The following BTBD9 variants were observed in gnomAD, a reference collection of about 807,000 sequenced individuals.
BTBD9 encodes the protein BTB/POZ domain-containing protein 9.
Under a neutral mutation model 64.3 loss-of-function variants are expected in BTBD9, and 49 were observed. That is an observed-to-expected ratio of 0.76 (90% CI 0.61 to 0.97). The LOEUF (loss-of-function observed/expected upper bound fraction) is 0.97. BTBD9 is among the 50% of genes least tolerant of loss of function. The pLI is 0.00. For synonymous variants in BTBD9, 260 were observed against 274.7 expected (o/e 0.95, Z 0.53); for missense variants, 598 against 762.1 (o/e 0.78, Z 2.53).
intron 10 of BTBD9, among the ~76,000 whole-genome samples, chr6:38,182,985 T>C (rs1015777230): frequency 5.3e-5 from 8 of 151,998 alleles, no homozygotes; most frequent in Non-Finnish European, 2.9e-5. Context: ...GGTCTTCTTT[T>C]TTTTTTTTTT....
At chr6:38,395,362 G>A (rs1766619927) in intron 6 of BTBD9, among the ~76,000 whole-genome samples, 1 of 152,106 alleles carries the variant, frequency 6.6e-6, no homozygotes, top group Non-Finnish European at 1.5e-5. Context: ...CTTAAACTTG[G>A]GAGGTTAAAG....
At chr6:38,215,046 T>C (rs2127502143) in intron 9 of BTBD9, among the ~76,000 whole-genome samples, 1 of 152,284 alleles carries the variant, frequency 6.6e-6, no homozygotes, top group East Asian at 1.9e-4. Flanking sequence ...GATTTTTCTG[T>C]ATTATTTCTT....
At chr6:38,533,249 G>A (rs891477792) in intron 6 of BTBD9, among the ~76,000 whole-genome samples, 7 of 152,082 alleles carry the variant, frequency 4.6e-5, no homozygotes, top group South Asian at 4.1e-4. Context: ...AAACCAAAAA[G>A]AACAGGAGTA....
At chr6:38,320,493 C>T (rs542909450) in intron 7 of BTBD9, among the ~76,000 whole-genome samples, 1 of 152,286 alleles carries the variant, frequency 6.6e-6, no homozygotes, top group South Asian at 2.1e-4. Context: ...AAAACAGCTG[C>T]TCTTCCCTTC....
chr6:38,552,567 G>A (rs1486382731), intron 6 of BTBD9, among the ~76,000 whole-genome samples: 1 of 152,030 alleles, frequency 6.6e-6, no homozygotes, highest in African/African-American at 2.4e-5. Flanking sequence ...AAGAGTTCGA[G>A]ACCAGGCTGG....
chr6:38,459,935 A>G (rs1769995451), intron 6 of BTBD9, among the ~76,000 whole-genome samples: 1 of 152,230 alleles, frequency 6.6e-6, no homozygotes. Context: ...GTTTTACAAC[A>G]TTACGAGAAC....
intron 7 of BTBD9, among the ~76,000 whole-genome samples, chr6:38,290,255 G>A (rs762901195): frequency 1.3e-4 from 19 of 150,346 alleles, no homozygotes; most frequent in Admixed American, 2.7e-4. Flanking sequence ...TAAAAACACC[G>A]GTGAAATTAC....
chr6:38,332,754 T>C (rs1763730740), intron 7 of BTBD9, among the ~76,000 whole-genome samples: 1 of 152,210 alleles, frequency 6.6e-6, no homozygotes, highest in African/African-American at 2.4e-5. Context: ...AATTTATACA[T>C]TAAAATGGGA....
intron 9 of BTBD9, among the ~76,000 whole-genome samples, chr6:38,227,285 C>A (rs116269195): frequency 0.031 from 4,709 of 152,242 alleles, 122 homozygotes; most frequent in Non-Finnish European, 0.045. Flanking sequence ...TCCTGGCTGT[C>A]GGCATTAGTG....
rs766444180 is a variant in BTBD9, at chr6:38,577,736, A to T, written c.1035-17T>A. On this transcript the variant is annotated splice_polypyrimidine_tract_variant and intron_variant, in intron 5 of 10. Coordinates refer to ENST00000481247, the MANE Select transcript of BTBD9 (RefSeq NM_001099272.2). ...GAGTAAGACCTGTGAATCAAAAGGA[A>T]AAAGCAGAAAAAAATTACCACATTA... is the stretch of plus-strand genomic sequence containing the variant. 1.3e-6 allele frequency: 2 copies of T among 1,594,792 alleles called. No individual in the cohort carries two copies. Among genetic ancestry groups the T allele is most frequent in the Admixed American group, 1.8e-5 (1 of 56,516 alleles).
At chr6:38,408,862 C>T (rs1767284357) in intron 6 of BTBD9, among the ~76,000 whole-genome samples, 1 of 152,188 alleles carries the variant, frequency 6.6e-6, no homozygotes, top group South Asian at 2.1e-4. Flanking sequence ...TCAGGAAACA[C>T]AGAGCCCAAA....
At position 38,594,037 on chromosome 6, in the gene BTBD9, C is replaced by G. The variant is rs759315232; in HGVS notation, c.476G>C (p.Cys159Ser). 40 of 1,614,076 alleles carry G rather than the reference C, an allele frequency of 2.5e-5. No homozygotes were observed. In the East Asian group the frequency reaches 8.5e-4, roughly 34 times the overall value. The change falls in exon 3 of 11, where the codon TGT becomes TCT. Residue 159 changes from cysteine (C) to serine (S), a missense_variant. Transcript: ENST00000481247. ...ASLYSLPKLT[C>S]MCCMFMDRNA... ...CCTATCCATAAACATGCAGCACATACAAGTTAACTTGGGAAGTGAGTAGAG... is the reference window on the plus strand; with the variant it reads ...CCTATCCATAAACATGCAGCACATAGAAGTTAACTTGGGAAGTGAGTAGAG...
At chr6:38,467,574 C>G (rs977699982) in intron 6 of BTBD9, among the ~76,000 whole-genome samples, 1 of 152,188 alleles carries the variant, frequency 6.6e-6, no homozygotes, top group African/African-American at 2.4e-5. Context: ...TCAGCTTGTA[C>G]AGCATCAACT....
chr6:38,298,912 T>C (rs1054255754), intron 7 of BTBD9, among the ~76,000 whole-genome samples: 2 of 151,984 alleles, frequency 1.3e-5, no homozygotes, highest in African/African-American at 2.4e-5. Context: ...ACGTGCAGGT[T>C]TGTTACATAT....
intron 1 of BTBD9, among the ~76,000 whole-genome samples, chr6:38,615,452 A>G (rs1562423488): frequency 6.6e-6 from 1 of 151,892 alleles, no homozygotes; most frequent in Non-Finnish European, 1.5e-5. Context: ...CCCCAAACTC[A>G]TCTCCAACTC....
chr6:38,465,555 CAGG>C (rs1770312578), intron 6 of BTBD9, among the ~76,000 whole-genome samples: 1 of 148,310 alleles, frequency 6.7e-6, no homozygotes, highest in South Asian at 2.1e-4. Context: ...GGTATGAAAC[CAGG>C]AGGTGGAGCT....
chr6:38,277,800 A>T (rs1761336902), intron 8 of BTBD9, among the ~76,000 whole-genome samples: 1 of 152,234 alleles, frequency 6.6e-6, no homozygotes, highest in African/African-American at 2.4e-5. Flanking sequence ...ATGGCATGTG[A>T]ATTATATTTC....
At chr6:38,438,820 C>A (rs1768879201) in intron 6 of BTBD9, among the ~76,000 whole-genome samples, 1 of 152,032 alleles carries the variant, frequency 6.6e-6, no homozygotes, top group Non-Finnish European at 1.5e-5. Context: ...TGCAGAAAAA[C>A]AAAACAGAAG....
At chr6:38,472,877 A>G (rs981804051) in intron 6 of BTBD9, among the ~76,000 whole-genome samples, 3 of 152,214 alleles carry the variant, frequency 2.0e-5, no homozygotes, top group Admixed American at 1.3e-4. Flanking sequence ...ATCAGCTTCC[A>G]ATTTAAATGT....
Sources: gnomAD v4.1 joint callset for allele counts (sites outside exome capture counted in the v4.1 genomes callset) on GRCh38, gnomAD v4.1.1 for gene constraint, MANE v1.5 for transcripts, NCBI Gene and HGNC (gene_info 2026-07-23, HGNC 2026-07-21) for gene names.